Variants in DSE observed in about 807,000 individuals in gnomAD.
DSE encodes dermatan sulfate epimerase.
In DSE, 36 loss-of-function variants were observed where a neutral mutation model predicts 84.4. That is an observed-to-expected ratio of 0.43 (90% CI 0.33 to 0.56). The LOEUF (loss-of-function observed/expected upper bound fraction) is 0.56, where lower values mean the gene tolerates loss of function less well. Ranked by LOEUF, DSE falls within the 20% of genes least tolerant of loss-of-function variation. The pLI, the probability that DSE is intolerant of heterozygous loss-of-function variation, is 0.06. For synonymous variants in DSE, 410 were observed against 430.1 expected, an observed-to-expected ratio of 0.95 and a Z score of 0.58; for missense variants, 862 against 1,169.6, an observed-to-expected ratio of 0.74 and a Z score of 3.84.
At chr6:116,343,231 G>A (rs1215915484) in intron 2 of DSE, among the ~76,000 whole-genome samples, 8 of 152,226 alleles carry the variant, frequency 5.3e-5, no homozygotes. Flanking sequence ...GGGCATAGCT[G>A]AACAAAAGGC....
At chr6:116,266,738 C>T (rs1364185038) in intron 2 of DSE, among the ~76,000 whole-genome samples, 1 of 152,068 alleles carries the variant, frequency 6.6e-6, no homozygotes, top group Non-Finnish European at 1.5e-5. Flanking sequence ...AAGTTATTTT[C>T]TTTCTTTTTC....
At chr6:116,412,916 T>C (rs1300060837) in intron 2 of DSE, 1 of 151,826 alleles carries the variant, frequency 6.6e-6, no homozygotes, top group East Asian at 1.9e-4. Flanking sequence ...TACCCAATGT[T>C]TAGCTCCCAC....
intron 2 of DSE, among the ~76,000 whole-genome samples, chr6:116,267,388 C>T (rs1772672313): frequency 6.6e-6 from 1 of 151,182 alleles, no homozygotes. Context: ...ATGGCTATGC[C>T]TAGGCTAATG....
At chr6:116,379,301 G>A (rs1200883217) in intron 1 of DSE, among the ~76,000 whole-genome samples, 6 of 152,108 alleles carry the variant, frequency 3.9e-5, no homozygotes, top group African/African-American at 1.2e-4. Context: ...TCTGTTTCAG[G>A]TTAGTCTTAT....
At chr6:116,383,478 G>A (rs1162145611) in intron 1 of DSE, among the ~76,000 whole-genome samples, 2 of 152,156 alleles carry the variant, frequency 1.3e-5, no homozygotes, top group Non-Finnish European at 2.9e-5. Context: ...TGCTAAGACA[G>A]AATGAAATAA....
intron 1 of DSE, among the ~76,000 whole-genome samples, chr6:116,392,396 C>T (rs965312485): frequency 6.6e-6 from 1 of 152,092 alleles, no homozygotes; most frequent in East Asian, 1.9e-4. Context: ...TCTGCCTGTT[C>T]AATCTTGCCA....
At position 116,437,176 on chromosome 6, in the gene DSE, T is replaced by C. The variant is rs1437797420; in HGVS notation, c.2708T>C (p.Leu903Ser). Residue 903 changes from leucine to serine, a missense_variant, in exon 6 of 6, where the codon TTG becomes TCG. This residue lies in a region of DSE where 315 missense variants were observed against 348.1 expected (regional missense o/e 0.90). Transcript: ENST00000644252. The stretch of plus-strand genomic sequence containing the variant: ...TCACTGTCTGCTTCCTATACCAGGT[T>C]GTTCCTGATTCTGAACATTGCTATT... Reference protein sequence around the residue: ...APSLSASYTRLFLILNIAIFF... With the variant: ...APSLSASYTRSFLILNIAIFF... The C allele has an allele frequency of 1.9e-6, 3 of 1,614,184 alleles. No individual in the cohort carries two copies. Among genetic ancestry groups the C allele is most frequent in the Middle Eastern group, 1.7e-4 (1 of 6,058 alleles).
At chr6:116,324,538 T>C (rs1430599787) in intron 2 of DSE, among the ~76,000 whole-genome samples, 1 of 152,218 alleles carries the variant, frequency 6.6e-6, no homozygotes, top group Non-Finnish European at 1.5e-5. Context: ...GCACAATTGC[T>C]TTAGAATAGG....
At chr6:116,414,700 C>G (rs190434741) in intron 2 of DSE, among the ~76,000 whole-genome samples, 40 of 152,352 alleles carry the variant, frequency 2.6e-4, no homozygotes, top group African/African-American at 9.4e-4. Flanking sequence ...GTGTGAGCCA[C>G]CACGCCCAGC....
intron 1 of DSE, among the ~76,000 whole-genome samples, chr6:116,380,321 G>A (rs547480011): frequency 6.6e-6 from 1 of 152,164 alleles, no homozygotes; most frequent in South Asian, 2.1e-4. Flanking sequence ...TTCCAGCCTT[G>A]AGGAGCTATA....
chr6:116,423,781 G>T (rs1390687018), intron 2 of DSE, among the ~76,000 whole-genome samples: 5 of 152,162 alleles, frequency 3.3e-5, no homozygotes, highest in Admixed American at 1.3e-4. Flanking sequence ...GGGTAAGATC[G>T]TGTTGGTGAA....
intron 2 of DSE, among the ~76,000 whole-genome samples, chr6:116,332,469 A>G (rs1777009987): frequency 6.6e-6 from 1 of 152,128 alleles, no homozygotes; most frequent in Admixed American, 6.5e-5. Context: ...AGAAACAGGT[A>G]TAGACAAGAC....
upstream of DSE, chr6:116,367,151 AGG>A (rs1394497506): frequency 6.6e-6 from 1 of 152,418 alleles, no homozygotes; most frequent in African/African-American, 2.4e-5. Context: ...AAGCCTCTGG[AGG>A]ATGCCTGGCC....
intron 3 of DSE, 96 bp from the exon 4 acceptor site, chr6:116,430,858 A>G (rs1783787752): frequency 6.6e-7 from 1 of 1,513,494 alleles, no homozygotes; most frequent in African/African-American, 1.4e-5. Context: ...TGTAATATAA[A>G]CTAGTTAGAT....
At chr6:116,357,686 T>C (rs983232633) in intron 2 of DSE, among the ~76,000 whole-genome samples, 2 of 152,190 alleles carry the variant, frequency 1.3e-5, no homozygotes, top group South Asian at 4.1e-4. Context: ...CCAAAATATT[T>C]AGAAACTACT....
In DSE at chr6:116,348,688, C is replaced by T. The variant is rs138357123; in HGVS notation, c.-53-50510C>T. Among the ~76,000 whole-genome samples, 915 of 152,216 alleles carry T rather than the reference C, an allele frequency of 6.0e-3. 11 individuals are homozygous for T. Among genetic ancestry groups the T allele is most frequent in the African/African-American group, 0.02 (843 of 41,522 alleles). On this transcript the variant is annotated intron_variant, in intron 2 of 3. Transcript: ENST00000430252. Reference sequence around the variant, plus strand: ...GACACATGCACACGTATGTTTATTGCGGCATTATTCACGATAGCAAAGACT... The same window carrying T: ...GACACATGCACACGTATGTTTATTGTGGCATTATTCACGATAGCAAAGACT...
At chr6:116,399,839 A>G (rs1181731608) in intron 2 of DSE, 173 bp downstream of exon 2, 3 of 613,626 alleles carry the variant, frequency 4.9e-6, no homozygotes, top group Non-Finnish European at 8.3e-6. Flanking sequence ...GTTTCAAAAG[A>G]TGTAGTAACT....
chr6:116,398,257 AT>A (rs1562281217), intron 1 of DSE, among the ~76,000 whole-genome samples: 3 of 151,766 alleles, frequency 2.0e-5, no homozygotes, highest in Non-Finnish European at 4.4e-5. Context: ...ATTTTATTTT[AT>A]TTTTTTTAGT....
At chr6:116,323,005 A>C (rs1776417034) in intron 2 of DSE, among the ~76,000 whole-genome samples, 1 of 152,184 alleles carries the variant, frequency 6.6e-6, no homozygotes, top group Non-Finnish European at 1.5e-5. Flanking sequence ...CCATGCAGGG[A>C]GCATAAGGGT....
Sources: gnomAD v4.1 joint callset for allele counts (sites outside exome capture counted in the v4.1 genomes callset) on GRCh38, gnomAD v4.1.1 for gene constraint, gnomAD v4.1.1 regional missense constraint, MANE v1.5 for transcripts, NCBI Gene and HGNC (gene_info 2026-07-23, HGNC 2026-07-21) for gene names.